The following RAP1GDS1 variants were observed in gnomAD, a reference collection of about 807,000 sequenced individuals.
The protein encoded by RAP1GDS1 is Rap1 GTPase-GDP dissociation stimulator 1.
In RAP1GDS1, 35 loss-of-function variants were observed where a neutral mutation model predicts 71.1. That is an observed-to-expected ratio of 0.49 (90% CI 0.38 to 0.65). The LOEUF is 0.65. Ranked by LOEUF, RAP1GDS1 falls within the 30% of genes least tolerant of loss-of-function variation. The pLI is 0.00. For missense variants in RAP1GDS1, 663 were observed against 706.1 expected, an observed-to-expected ratio of 0.94 and a Z score of 0.69; for synonymous variants, 229 against 243.1, an observed-to-expected ratio of 0.94 and a Z score of 0.54.
intron 2 of RAP1GDS1, among the ~76,000 whole-genome samples, chr4:98,307,292 T>C (rs1729469005): frequency 6.6e-6 from 1 of 152,078 alleles, no homozygotes; most frequent in South Asian, 2.1e-4. Context: ...GCTGTTACCT[T>C]ACCATGCTAT....
intron 9 of RAP1GDS1, among the ~76,000 whole-genome samples, chr4:98,418,206 T>C (rs991000587): frequency 6.6e-6 from 1 of 152,186 alleles, no homozygotes; most frequent in African/African-American, 2.4e-5. Context: ...TGGATAATTA[T>C]TGAAACTAGA....
At chr4:98,306,584 G>A (rs1404512186) in intron 2 of RAP1GDS1, among the ~76,000 whole-genome samples, 3 of 152,066 alleles carry the variant, frequency 2.0e-5, no homozygotes, top group Non-Finnish European at 4.4e-5. Context: ...ATGTAAATTG[G>A]CATTTTAATT....
chr4:98,265,092 G>T (rs1284895143), intron 1 of RAP1GDS1, among the ~76,000 whole-genome samples: 1 of 152,242 alleles, frequency 6.6e-6, no homozygotes, highest in East Asian at 1.9e-4. Flanking sequence ...AAATTTGTCA[G>T]TTGAGTGCAG....
chr4:98,293,440 A>T lies in RAP1GDS1; in HGVS notation c.37A>T (p.Ile13Leu). ...NLSDTLKKLK[I>L]TAVDKTEDSL... Reference sequence around the variant, plus strand: ...CAGTGATACCTTGAAGAAGCTGAAGATAACAGCTGTTGACAAGACTGAGGA... The same window carrying T: ...CAGTGATACCTTGAAGAAGCTGAAGTTAACAGCTGTTGACAAGACTGAGGA... Residue 13 changes from isoleucine (I) to leucine (L), a missense_variant, in exon 2 of 15, where the codon ATA becomes TTA. Ile to Leu is a conservative substitution (Grantham distance 5). Transcript: ENST00000408927. 1 of 1,607,162 alleles carries T rather than the reference A, an allele frequency of 6.2e-7. No individual in the cohort carries two copies. Among genetic ancestry groups the T allele is most frequent in the Non-Finnish European group, 8.5e-7 (1 of 1,177,736 alleles).
chr4:98,323,020 G>A (rs1206345132), intron 2 of RAP1GDS1, among the ~76,000 whole-genome samples: 4 of 151,316 alleles, frequency 2.6e-5, no homozygotes, highest in African/African-American at 7.3e-5. Flanking sequence ...TTGATAGACC[G>A]CTAGCAAGAC....
intron 2 of RAP1GDS1, among the ~76,000 whole-genome samples, chr4:98,325,183 A>C (rs1178591421): frequency 6.6e-6 from 1 of 151,810 alleles, no homozygotes; most frequent in Non-Finnish European, 1.5e-5. Flanking sequence ...GCTCACCATC[A>C]CTGGCCATCA....
chr4:98,365,994 C>A (rs1404431292), intron 4 of RAP1GDS1, among the ~76,000 whole-genome samples: 1 of 152,176 alleles, frequency 6.6e-6, no homozygotes, highest in African/African-American at 2.4e-5. Context: ...CAAACAGATT[C>A]TTTACTCAGA....
intron 4 of RAP1GDS1, among the ~76,000 whole-genome samples, chr4:98,360,669 T>C (rs1014851866): frequency 5.3e-5 from 8 of 152,200 alleles, no homozygotes; most frequent in Admixed American, 4.6e-4. Flanking sequence ...TGTAACCAAG[T>C]TGAAGTACTG....
At chr4:98,397,914 A>G (rs962123264) in intron 6 of RAP1GDS1, among the ~76,000 whole-genome samples, 1 of 152,204 alleles carries the variant, frequency 6.6e-6, no homozygotes, top group Non-Finnish European at 1.5e-5. Flanking sequence ...TTTGTCTCCC[A>G]GAACGTAGAC....
At chr4:98,427,331 A>T (rs1309161209) in intron 12 of RAP1GDS1, among the ~76,000 whole-genome samples, 1 of 152,128 alleles carries the variant, frequency 6.6e-6, no homozygotes, top group Non-Finnish European at 1.5e-5. Context: ...CACTCTCACC[A>T]CTTCTGTTCA....
intron 5 of RAP1GDS1, among the ~76,000 whole-genome samples, chr4:98,380,166 G>A (rs570150212): frequency 1.3e-5 from 2 of 151,568 alleles, no homozygotes; most frequent in East Asian, 1.9e-4. Context: ...TGAATGGTGG[G>A]GACTGTGGTA....
chr4:98,418,574 T>C lies in RAP1GDS1; in HGVS notation c.1040-83T>C, dbSNP rs564146090. On this transcript the variant is annotated intron_variant, in intron 9 of 14. Transcript: ENST00000408927. ...TTGTATAGCTCCATTTTCCCTAATG[T>C]AGATAATAGCCAGACATCAGTATTA... 5.7e-6 allele frequency: 7 copies of C among 1,227,414 alleles called. No homozygotes were observed. The East Asian group carries it at 2.0e-4, about 34-fold the overall frequency. The allele number at this position is 1,227,414 out of a possible 1,614,324, so 76.0% of individuals were successfully genotyped here. A position where few individuals can be genotyped will look rare whatever the true frequency, so the allele number is the denominator to read the frequency against.
At chr4:98,326,798 G>A (rs528131992) in intron 2 of RAP1GDS1, among the ~76,000 whole-genome samples, 1 of 152,126 alleles carries the variant, frequency 6.6e-6, no homozygotes, top group Non-Finnish European at 1.5e-5. Flanking sequence ...AGTCATGTGA[G>A]CCATGGTGAT....
At chr4:98,437,555 A>T (rs577229356) in intron 14 of RAP1GDS1, among the ~76,000 whole-genome samples, 1 of 152,192 alleles carries the variant, frequency 6.6e-6, no homozygotes, top group South Asian at 2.1e-4. Context: ...GCACTTTGGG[A>T]GGCTGAGGTG....
chr4:98,347,176 G>GT (rs1174252405), intron 3 of RAP1GDS1, among the ~76,000 whole-genome samples: 1 of 152,050 alleles, frequency 6.6e-6, no homozygotes, highest in Non-Finnish European at 1.5e-5. Context: ...TAGATGTTAG[G>GT]TTTTTTAATA....
At chr4:98,311,008 A>T (rs1730142225) in intron 2 of RAP1GDS1, among the ~76,000 whole-genome samples, 1 of 152,188 alleles carries the variant, frequency 6.6e-6, no homozygotes, top group African/African-American at 2.4e-5. Context: ...GTTAAATCGT[A>T]AATACTTAGG....
chr4:98,340,273 A>T (rs933597183), intron 2 of RAP1GDS1, among the ~76,000 whole-genome samples: 8 of 152,244 alleles, frequency 5.3e-5, no homozygotes, highest in Non-Finnish European at 1.2e-4. Flanking sequence ...ACTTAAGCCC[A>T]TCGATGGTAT....
At chr4:98,356,762 A>G (rs769791268) in intron 4 of RAP1GDS1, among the ~76,000 whole-genome samples, 3 of 152,040 alleles carry the variant, frequency 2.0e-5, no homozygotes, top group Non-Finnish European at 2.9e-5. Flanking sequence ...AAAAAGTTGT[A>G]TTCTTCCTTG....
At chr4:98,316,735 T>C (rs1363843852) in intron 2 of RAP1GDS1, among the ~76,000 whole-genome samples, 1 of 152,104 alleles carries the variant, frequency 6.6e-6, no homozygotes, top group Non-Finnish European at 1.5e-5. Flanking sequence ...CAAGCCTGGG[T>C]CTTGGGGTAG....
Sources: gnomAD v4.1 joint callset for allele counts (sites outside exome capture counted in the v4.1 genomes callset) on GRCh38, gnomAD v4.1.1 for gene constraint, MANE v1.5 for transcripts, NCBI Gene and HGNC (gene_info 2026-07-23, HGNC 2026-07-21) for gene names.